The following ZBTB20 variants were observed in gnomAD, a reference collection of about 807,000 sequenced individuals.
ZBTB20 encodes the protein zinc finger and BTB domain-containing protein 20.
In ZBTB20, 9 loss-of-function variants were observed where a neutral mutation model predicts 56.9. The ratio of observed to expected loss-of-function variants is 0.16; its 90% CI spans 0.10 to 0.28. ZBTB20 has a LOEUF of 0.28. Ranked by LOEUF, ZBTB20 falls within the 10% of genes least tolerant of loss-of-function variation. The probability of loss-of-function intolerance (pLI) is 1.00; values close to 1 mark genes in which losing one functional copy is unlikely to be tolerated. For synonymous variants in ZBTB20, 417 were observed against 420.7 expected (o/e 0.99, Z 0.11); for missense variants, 655 against 1,003.0 (o/e 0.65, Z 4.69).
At chr3:114,523,542 G>A (rs748602824) in intron 6 of ZBTB20, among the ~76,000 whole-genome samples, 1 of 152,172 alleles carries the variant, frequency 6.6e-6, no homozygotes, top group Non-Finnish European at 1.5e-5. Context: ...ACAGAAGAAA[G>A]ATGTGAGCTT....
intron 5 of ZBTB20, among the ~76,000 whole-genome samples, chr3:114,781,215 T>A (rs2070072381): frequency 1.3e-5 from 2 of 152,058 alleles, no homozygotes; most frequent in African/African-American, 4.8e-5. Context: ...CTTGGGCAAA[T>A]TTTTTCTCTC....
intron 7 of ZBTB20, among the ~76,000 whole-genome samples, chr3:114,494,917 C>T (rs950718284): frequency 1.3e-5 from 2 of 152,144 alleles, no homozygotes; most frequent in African/African-American, 2.4e-5. Flanking sequence ...TCGAAGATTC[C>T]AACACTTTGG....
chr3:114,886,542 G>C (rs2076608362), intron 4 of ZBTB20, among the ~76,000 whole-genome samples: 2 of 152,192 alleles, frequency 1.3e-5, no homozygotes, highest in South Asian at 4.1e-4. Context: ...TAGGTCACAA[G>C]TAAAGTTATG....
At chr3:114,972,978 T>C (rs1014318325) in intron 3 of ZBTB20, among the ~76,000 whole-genome samples, 1 of 152,060 alleles carries the variant, frequency 6.6e-6, no homozygotes, top group African/African-American at 2.4e-5. Flanking sequence ...ATAAATAATC[T>C]TATGGGGCAA....
chr3:114,957,813 T>C (rs1437773893), intron 3 of ZBTB20, among the ~76,000 whole-genome samples: 2 of 152,194 alleles, frequency 1.3e-5, no homozygotes, highest in Non-Finnish European at 1.5e-5. Context: ...AAGTATCCTT[T>C]TGTATCTAGA....
rs1322626921 is a variant in ZBTB20, at chr3:114,322,700, T to TC, written c.*16304dup. The TC allele has an allele frequency of 7.2e-5, 11 of 152,244 alleles. No individual in the cohort carries two copies. Among genetic ancestry groups the TC allele is most frequent in the Non-Finnish European group, 1.3e-4 (9 of 68,044 alleles). The allele number at this position is 152,244 out of a possible 1,614,324, so 9.4% of individuals were successfully genotyped here. A position where few individuals can be genotyped will look rare whatever the true frequency, so the allele number is the denominator to read the frequency against. ...CCTGTTAAAAGCTCTGGATTTAGTT[T>TC]CTTACTTAAAACAGAGATAATGCTT... On this transcript the variant is annotated 3_prime_UTR_variant, in exon 12 of 12. Coordinates refer to ENST00000675478, the MANE Select transcript of ZBTB20 (RefSeq NM_001348800.3).
rs538924825 is a variant in ZBTB20, at chr3:114,541,501, T to C, written c.-294-41110A>G. Among the ~76,000 whole-genome samples, 310 of 152,272 alleles carry C rather than the reference T, an allele frequency of 2.0e-3. 2 individuals are homozygous for C. Among genetic ancestry groups the C allele is most frequent in the African/African-American group, 7.2e-3 (298 of 41,574 alleles). The stretch of plus-strand genomic sequence containing the variant: ...AGTGTGATTCTTTTTTAAACTACAA[T>C]GCCCTATTTGAGTGATAACCATATT... On this transcript the variant is annotated intron_variant, in intron 6 of 11. Transcript: ENST00000675478.
At chr3:115,034,328 A>T (rs1352467857) in intron 2 of ZBTB20, among the ~76,000 whole-genome samples, 1 of 151,704 alleles carries the variant, frequency 6.6e-6, no homozygotes, top group Non-Finnish European at 1.5e-5. Flanking sequence ...TATGTAAAAA[A>T]CATATTCCAC....
At chr3:114,928,512 T>C (rs540824816) in intron 3 of ZBTB20, among the ~76,000 whole-genome samples, 98 of 152,330 alleles carry the variant, frequency 6.4e-4, no homozygotes, top group African/African-American at 2.3e-3. Context: ...AAAAAATAAA[T>C]TTGGCAAATT....
chr3:115,013,558 A>G (rs2079812058), intron 2 of ZBTB20, among the ~76,000 whole-genome samples: 1 of 151,728 alleles, frequency 6.6e-6, no homozygotes, highest in African/African-American at 2.4e-5. Flanking sequence ...TTAGCAAATA[A>G]AAGCCCACTA....
chr3:114,594,430 C>A (rs1181401590), intron 6 of ZBTB20, among the ~76,000 whole-genome samples: 1 of 151,934 alleles, frequency 6.6e-6, no homozygotes, highest in Non-Finnish European at 1.5e-5. Flanking sequence ...CTACACCGGG[C>A]TAATTTTTTG....
chr3:114,469,010 CAAAAAAA>C (rs1164804884), intron 7 of ZBTB20, among the ~76,000 whole-genome samples: 27 of 67,052 alleles, frequency 4.0e-4, no homozygotes, highest in Middle Eastern at 0.015. Context: ...TCAAGAGAAG[CAAAAAAA>C]AAAAAAAAAA....
In ZBTB20 at chr3:114,614,493, T is replaced by C. The variant is rs140415837; in HGVS notation, c.-295+79035A>G. On this transcript the variant is annotated intron_variant, in intron 6 of 11. Coordinates refer to ENST00000675478, the MANE Select transcript of ZBTB20 (RefSeq NM_001348800.3). ...CTCAACGGGGTGACATAAGGGTTAA[T>C]AGGATGACTGTAAAATGCAGTTACC... is the stretch of plus-strand genomic sequence containing the variant. Among the ~76,000 whole-genome samples the C allele has an allele frequency of 9.6e-3, 1,458 of 151,636 alleles. 26 individuals carry two copies. Among genetic ancestry groups the C allele is most frequent in the African/African-American group, 0.032 (1,322 of 40,922 alleles).
In ZBTB20 at chr3:114,794,097, A is replaced by G. The variant is rs189328970; in HGVS notation, c.-343+7004T>C. On this transcript the variant is annotated intron_variant, in intron 5 of 11. Transcript: ENST00000675478. Reference sequence around the variant, plus strand: ...ATCAGTGAGGTCTAATAGTAATACAAACCTCACTTACTGGCTTTGCAATTT... The same window carrying G: ...ATCAGTGAGGTCTAATAGTAATACAGACCTCACTTACTGGCTTTGCAATTT... Among the ~76,000 whole-genome samples, 701 of 151,900 alleles carry G rather than the reference A, an allele frequency of 4.6e-3. 4 individuals carry two copies. Among genetic ancestry groups the G allele is most frequent in the South Asian group, 0.026 (125 of 4,818 alleles).
At position 114,855,645 on chromosome 3, in the gene ZBTB20, T is replaced by C. The variant is rs552200597; in HGVS notation, c.-417+44659A>G. 3.3e-5 allele frequency among the ~76,000 whole-genome samples: 5 copies of C among 152,278 alleles called. 1 individual carries two copies. In the South Asian group the frequency reaches 1.0e-3, roughly 32 times the overall value. ...TGGTGGGTGAATCCTCATCCGTCAT[T>C]ACATGACAGAAGTATTTAAAAAGGA... On this transcript the variant is annotated intron_variant, in intron 4 of 11. Coordinates refer to ENST00000675478, the MANE Select transcript of ZBTB20 (RefSeq NM_001348800.3).
chr3:115,104,204 T>C (rs994232033), intron 1 of ZBTB20, among the ~76,000 whole-genome samples: 2 of 152,124 alleles, frequency 1.3e-5, no homozygotes, highest in African/African-American at 4.8e-5. Context: ...CAACACCAAA[T>C]GATGATGCGG....
chr3:114,864,866 C>T (rs1251599699), intron 4 of ZBTB20, among the ~76,000 whole-genome samples: 2 of 152,130 alleles, frequency 1.3e-5, no homozygotes, highest in African/African-American at 4.8e-5. Flanking sequence ...TTTGCCCCTT[C>T]ATTGCCACAC....
At chr3:114,907,274 G>GA (rs2075356743) in intron 3 of ZBTB20, among the ~76,000 whole-genome samples, 1 of 151,776 alleles carries the variant, frequency 6.6e-6, no homozygotes, top group Non-Finnish European at 1.5e-5. Context: ...AACCCTGCAA[G>GA]AAAAAACTGG....
chr3:114,882,776 T>A (rs2076446573), intron 4 of ZBTB20, among the ~76,000 whole-genome samples: 1 of 152,124 alleles, frequency 6.6e-6, no homozygotes, highest in African/African-American at 2.4e-5. Context: ...CAAGTACAGT[T>A]GAAACTTTTT....
Sources: gnomAD v4.1 joint callset for allele counts (sites outside exome capture counted in the v4.1 genomes callset) on GRCh38, gnomAD v4.1.1 for gene constraint, MANE v1.5 for transcripts, NCBI Gene and HGNC (gene_info 2026-07-23, HGNC 2026-07-21) for gene names.